Variants in SCARF1 observed in about 807,000 individuals in gnomAD.
SCARF1 encodes scavenger receptor class F member 1.
In SCARF1, 49 loss-of-function variants were observed where a neutral mutation model predicts 76.3. The observed-to-expected ratio is 0.64, with a 90% CI of 0.51 to 0.81. The LOEUF (loss-of-function observed/expected upper bound fraction) is 0.81, where lower values mean the gene tolerates loss of function less well. Ranked by LOEUF, SCARF1 falls within the 40% of genes least tolerant of loss-of-function variation. The pLI, the probability that SCARF1 is intolerant of heterozygous loss-of-function variation, is 0.00. For synonymous variants in SCARF1, 495 were observed against 474.6 expected, an observed-to-expected ratio of 1.04 and a Z score of -0.56; for missense variants, 1,098 against 1,143.9, an observed-to-expected ratio of 0.96 and a Z score of 0.58.
Position 1,645,164 on chromosome 17 carries a change from T to C in SCARF1, c.163+14A>G. The C allele has an allele frequency of 6.2e-7, 1 of 1,613,854 alleles. No homozygotes were observed. Among genetic ancestry groups the C allele is most frequent in the Non-Finnish European group, 8.5e-7 (1 of 1,179,938 alleles). On this transcript the variant is annotated intron_variant, in intron 2 of 10. Transcript: ENST00000263071. The surrounding 1 kb of genome is among the most constrained non-coding windows in gnomAD (Gnocchi z 6.3). ...TCCCTTCTCCTTGGCTGAGGGTCTG[T>C]CCTGGCTACTCACGGATGGTGCATT...
chr17:1,639,955 C>T lies in SCARF1; in HGVS notation c.1096G>A (p.Val366Met), dbSNP rs769581486. The T allele has an allele frequency of 1.9e-6, 3 of 1,613,944 alleles. No individual in the cohort carries two copies. Residue 366 changes from valine to methionine, a missense_variant, in exon 6 of 11, where the codon GTG (valine) becomes ATG (methionine). Coordinates refer to ENST00000263071, the MANE Select transcript of SCARF1 (RefSeq NM_003693.4). ...PTCVQGSCDT[V>M]TGDCVCSAGY... ...GCACTGCAGACACAGTCCCCTGTCA[C>T]AGTATCACAGGACCCCTGAACACAG...
chr17:1,640,658 C>G lies in SCARF1; in HGVS notation c.800G>C (p.Arg267Pro). The change falls in exon 5 of 11, where the codon CGC becomes CCC. Residue 267 changes from arginine to proline, a missense_variant. Physicochemically the swap from Arg to Pro is moderately radical, Grantham distance 103. Transcript: ENST00000263071. The surrounding 1 kb of genome is among the most constrained non-coding windows in gnomAD (Gnocchi z 4.7). ...HGVQCAHSCG[R>P]CKHNEPCSPD... is the part of the protein sequence containing the mutation. ...AGAGCACGGCTCATTGTGTTTGCAGCGGCCACAGCTGGGAAGAGAAGGGCT... is the reference window on the plus strand; with the variant it reads ...AGAGCACGGCTCATTGTGTTTGCAGGGGCCACAGCTGGGAAGAGAAGGGCT... 6.2e-7 allele frequency: 1 copy of G among 1,611,586 alleles called. No individual in the cohort carries two copies. Among genetic ancestry groups the G allele is most frequent in the South Asian group, 1.1e-5 (1 of 90,672 alleles).
At position 1,640,483 on chromosome 17, in the gene SCARF1, G is replaced by C; in HGVS notation, c.975C>G (p.His325Gln). ...GCCAGCCAGGGTCACAGCGCTGACA[G>C]TGGCCAGTATCTGGCTCACAGGCCT... ...HGEACEPDTG[H>Q]CQRCDPGWLG... The change falls in exon 5 of 11, where the codon CAC becomes CAG. Residue 325 changes from histidine (H) to glutamine (Q), a missense_variant. Coordinates refer to ENST00000263071, the MANE Select transcript of SCARF1 (RefSeq NM_003693.4). This position sits in a 1 kb window ranked among gnomAD's most constrained non-coding sequence, Gnocchi z 4.7. 3 of 1,572,520 alleles carry C rather than the reference G, an allele frequency of 1.9e-6. No individual in the cohort carries two copies. The highest frequency in any genetic ancestry group is 2.6e-6 in the Non-Finnish European group (3 of 1,158,640).
Position 1,643,980 on chromosome 17 carries a change from G to A in SCARF1, c.266-13C>T. On this transcript the variant is annotated splice_polypyrimidine_tract_variant and intron_variant, in intron 3 of 10. Coordinates refer to ENST00000263071, the MANE Select transcript of SCARF1 (RefSeq NM_003693.4). Reference sequence around the variant, plus strand: ...TGGCCCGGGCAGCCTGCGGGGGTGGGGACGGGAGGGGTCAGCGGGCTCAGG... The same window carrying A: ...TGGCCCGGGCAGCCTGCGGGGGTGGAGACGGGAGGGGTCAGCGGGCTCAGG... The A allele has an allele frequency of 7.6e-7, 1 of 1,315,374 alleles. No homozygotes were observed. Among genetic ancestry groups the A allele is most frequent in the Non-Finnish European group, 9.7e-7 (1 of 1,035,264 alleles). 81.5% of individuals were successfully genotyped at this position (1,315,374 alleles called of 1,614,324 possible). A position where few individuals can be genotyped will look rare whatever the true frequency, so the allele number is the denominator to read the frequency against.
Position 1,640,572 on chromosome 17 carries a change from G to C in SCARF1, c.886C>G (p.Pro296Ala). 1 of 1,611,248 alleles carries C rather than the reference G, an allele frequency of 6.2e-7. No homozygotes were observed. ...TCGCCAAAGGTGCCAGGCAGGCAGG[G>C]CTGCTGGCACTGGGTCCCGTTCCAG... ...PGWNGTQCQQ[P>A]CLPGTFGESC... The change falls in exon 5 of 11, where the codon CCC becomes GCC. Residue 296 changes from proline (P) to alanine (A), a missense_variant. By Grantham distance (27) the Pro-to-Ala change is conservative. Coordinates refer to ENST00000263071, the MANE Select transcript of SCARF1 (RefSeq NM_003693.4). The surrounding 1 kb of genome is among the most constrained non-coding windows in gnomAD (Gnocchi z 4.7).
chr17:1,637,023 C>T lies in SCARF1; in HGVS notation c.1404G>A (p.Leu468=), dbSNP rs1182784249. Residue 468 remains leucine, a synonymous_variant, in exon 9 of 11, where the codon CTG becomes CTA. Transcript: ENST00000263071. ...AGCTGGTCAGTGTCCCCCAGACCTGCAGCTTCATCCTGGACACGGTAGCTC... is the reference window on the plus strand; with the variant it reads ...AGCTGGTCAGTGTCCCCCAGACCTGTAGCTTCATCCTGGACACGGTAGCTC... ...RDGATVSRMK[L]QVWGTLTSLG... 6.2e-7 allele frequency: 1 copy of T among 1,614,054 alleles called. No homozygotes were observed. The highest frequency in any genetic ancestry group is 8.5e-7 in the Non-Finnish European group (1 of 1,180,028).
intron 4 of SCARF1, among the ~76,000 whole-genome samples, chr17:1,641,191 G>A (rs1567664968): frequency 6.6e-6 from 1 of 152,274 alleles, no homozygotes; most frequent in Non-Finnish European, 1.5e-5. Flanking sequence ...ACAGCGTAGA[G>A]ATGACCAGCA....
chr17:1,641,362 C>T (rs773239832), intron 4 of SCARF1, among the ~76,000 whole-genome samples: 2 of 152,206 alleles, frequency 1.3e-5, no homozygotes, highest in Non-Finnish European at 2.9e-5. Context: ...TCTCCCATCA[C>T]CCCCAGATGG....
Position 1,639,020 on chromosome 17 carries a change from C to G in SCARF1, c.1244-94G>C, listed in dbSNP as rs944380465. On this transcript the variant is annotated intron_variant, in intron 7 of 10. Transcript: ENST00000263071. ...TTGCCTGCTACCCAGAAGCTTCTTC[C>G]TGGGGGTCACTCCCTGCCTCCGGGC... The G allele has an allele frequency of 3.1e-5, 41 of 1,323,242 alleles. No individual in the cohort carries two copies. The African/African-American group carries it at 5.6e-4, about 18-fold the overall frequency. 82.0% of individuals were successfully genotyped at this position (1,323,242 alleles called of 1,614,324 possible). A position where few individuals can be genotyped will look rare whatever the true frequency, so the allele number is the denominator to read the frequency against.
rs570763092 is a variant in SCARF1, at chr17:1,636,976, C to T, written c.1451G>A (p.Arg484His). 2.3e-5 allele frequency: 37 copies of T among 1,613,940 alleles called. No homozygotes were observed. The highest frequency in any genetic ancestry group is 1.1e-4 in the East Asian group (5 of 44,878). Residue 484 changes from arginine to histidine, a missense_variant, in exon 9 of 11, where the codon CGT (arginine) becomes CAT (histidine). Physicochemically the swap from Arg to His is conservative, Grantham distance 29. Coordinates refer to ENST00000263071, the MANE Select transcript of SCARF1 (RefSeq NM_003693.4). ...GGGTAGCTTGTGGGAGCTGAGGGAA[C>T]GGCAGGGCAGCGTGGAGCCCAAGCT... Reference protein sequence around the residue: ...LTSLGSTLPCRSLSSHKLPWV... With the variant: ...LTSLGSTLPCHSLSSHKLPWV...
chr17:1,637,114 TGGGTCACCTTGGCA>T, intron 8 of SCARF1, 52 bp from the exon 9 acceptor site: 1 of 1,591,718 alleles, frequency 6.3e-7, no homozygotes, highest in Non-Finnish European at 8.6e-7. Flanking sequence ...CACGGTGACC[TGGGTCACCTTGGCA>T]GGGTGTGACA....
At chr17:1,635,721 G>A in intron 10 of SCARF1, 104 bp from the exon 11 acceptor site, 1 of 1,385,340 alleles carries the variant, frequency 7.2e-7, no homozygotes, top group Non-Finnish European at 9.6e-7. Flanking sequence ...ATAGGGCAAG[G>A]AAGAGGGCAA....
In SCARF1 at chr17:1,640,088, C is replaced by A. The variant is rs749479214; in HGVS notation, c.1011-48G>T. 6.3e-7 allele frequency: 1 copy of A among 1,598,666 alleles called. No individual in the cohort carries two copies. Among genetic ancestry groups the A allele is most frequent in the East Asian group, 2.2e-5 (1 of 44,790 alleles). On this transcript the variant is annotated intron_variant, in intron 5 of 10. Transcript: ENST00000263071. This position sits in a 1 kb window ranked among gnomAD's most constrained non-coding sequence, Gnocchi z 4.7. ...GAAGGGGAGACCAAGGCAGGCCTGG[C>A]CCCCACTGTGGGGCCCCACCCCTCC...
At position 1,639,965 on chromosome 17, in the gene SCARF1, G is replaced by C. The variant is rs763220414; in HGVS notation, c.1086C>G (p.Ser362=). Residue 362 remains serine, a synonymous_variant, in exon 6 of 11, where the codon TCC becomes TCG. Transcript: ENST00000263071. ...CACAGTCCCCTGTCACAGTATCACA[G>C]GACCCCTGAACACAGGTGGGGCAGG... ...GSTCPTCVQG[S]CDTVTGDCVC... 1.2e-6 allele frequency: 2 copies of C among 1,614,060 alleles called. No individual in the cohort carries two copies. The highest frequency in any genetic ancestry group is 1.7e-6 in the Non-Finnish European group (2 of 1,180,002).
Position 1,635,603 on chromosome 17 carries a change from C to T in SCARF1, c.1648G>A (p.Ala550Thr), listed in dbSNP as rs1231119398. Residue 550 changes from alanine to threonine, a missense_variant, in exon 11 of 11, where the codon GCC becomes ACC. Physicochemically the swap from Ala to Thr is moderately conservative, Grantham distance 58 (BLOSUM62 0). Coordinates refer to ENST00000263071, the MANE Select transcript of SCARF1 (RefSeq NM_003693.4). ...VPPQEGMVPV[A>T]QAGSSEASLA... Reference sequence around the variant, plus strand: ...CTGGCCTCTGACGACCCTGCCTGGGCCACAGGGACCATCCCTGGCAGAGGA... The same window carrying T: ...CTGGCCTCTGACGACCCTGCCTGGGTCACAGGGACCATCCCTGGCAGAGGA... 6.2e-7 allele frequency: 1 copy of T among 1,601,630 alleles called. No homozygotes were observed.
rs898567137 is a variant in SCARF1 at position 1,645,054 on chromosome 17, C to T, written c.164-119G>A. The T allele has an allele frequency of 1.3e-5, 19 of 1,517,970 alleles. No homozygotes were observed. Among genetic ancestry groups the T allele is most frequent in the East Asian group, 2.3e-5 (1 of 43,124 alleles). 94.0% of individuals were successfully genotyped at this position (1,517,970 alleles called of 1,614,324 possible). On this transcript the variant is annotated intron_variant, in intron 2 of 10. Coordinates refer to ENST00000263071, the MANE Select transcript of SCARF1 (RefSeq NM_003693.4). The surrounding 1 kb of genome is among the most constrained non-coding windows in gnomAD (Gnocchi z 6.3). ...AGGTGCCCCTTCAGGCCTGGGGGTGCGTCACAGGAGAAACCCTGACTCCTG... is the reference window on the plus strand; with the variant it reads ...AGGTGCCCCTTCAGGCCTGGGGGTGTGTCACAGGAGAAACCCTGACTCCTG...
chr17:1,638,988 C>A, intron 7 of SCARF1, 62 bp from the exon 8 acceptor site: 1 of 1,476,772 alleles, frequency 6.8e-7, no homozygotes, highest in Non-Finnish European at 9.1e-7. Context: ...CCTGTCTTTG[C>A]TCTGAGTTGC....
At position 1,634,938 on chromosome 17, in the gene SCARF1, G is replaced by C; in HGVS notation, c.2313C>G (p.Val771=). The change falls in exon 11 of 11, where the codon GTC becomes GTG. Residue 771 remains valine (V), a synonymous_variant. Coordinates refer to ENST00000263071, the MANE Select transcript of SCARF1 (RefSeq NM_003693.4). ...GCCCCCGGACCGCTTCCTCTGGTCT[G>C]ACTGCCATAGGCCCTGTGGCCCCAG... ...GLPGATGPMA[V]RPEEAVRGLG... is the part of the protein sequence containing the mutation. 6.2e-7 allele frequency: 1 copy of C among 1,613,484 alleles called. No individual in the cohort carries two copies.
chr17:1,635,086 G>A lies in SCARF1; in HGVS notation c.2165C>T (p.Ala722Val), dbSNP rs549098464. The change falls in exon 11 of 11, where the codon GCC (alanine) becomes GTC (valine). Residue 722 changes from alanine (A) to valine (V), a missense_variant. Ala to Val is a moderately conservative substitution (Grantham distance 64). Coordinates refer to ENST00000263071, the MANE Select transcript of SCARF1 (RefSeq NM_003693.4). ...CTTAGGGATGGCCCTCTTGACCTTG[G>A]CTTCCGCCTGGCCTTTCTGGAAGCT... ...FGSFQKGQAE[A>V]KVKRAIPKPP... 4.8e-5 allele frequency: 77 copies of A among 1,613,982 alleles called. 1 individual carries two copies. The highest frequency in any genetic ancestry group is 2.8e-4 in the Admixed American group (17 of 60,038).
Sources: gnomAD v4.1 joint callset for allele counts (sites outside exome capture counted in the v4.1 genomes callset) on GRCh38, gnomAD v4.1.1 for gene constraint, Gnocchi (gnomAD v3.1) non-coding constraint, MANE v1.5 for transcripts, NCBI Gene and HGNC (gene_info 2026-07-23, HGNC 2026-07-21) for gene names.